CCDC171: variants seen among roughly 807,000 people sequenced by gnomAD.
CCDC171 encodes coiled-coil domain containing 171.
CCDC171 carries 177 observed loss-of-function variants against 168.2 expected under a neutral mutation model. The ratio of observed to expected loss-of-function variants is 1.05; its 90% confidence interval spans 0.93 to 1.19. The LOEUF (loss-of-function observed/expected upper bound fraction) is 1.19. Among genes scored for constraint, CCDC171 ranks in the 50% most tolerant of loss-of-function variants. The probability of loss-of-function intolerance (pLI) is 0.00; values close to 1 mark genes in which losing one functional copy is unlikely to be tolerated. For missense variants in CCDC171, 1,991 were observed against 1,539.0 expected (o/e 1.29, Z -4.91); for synonymous variants, 687 against 540.8 (o/e 1.27, Z -3.75).
chr9:15,596,498 G>A (rs1431229795), intron 6 of CCDC171, among the ~76,000 whole-genome samples: 1 of 152,012 alleles, frequency 6.6e-6, no homozygotes, highest in Non-Finnish European at 1.5e-5. Flanking sequence ...TGTTCCATTG[G>A]TCTATATCTC....
At chr9:15,685,914 C>T (rs1006275202) in intron 10 of CCDC171, among the ~76,000 whole-genome samples, 1 of 152,058 alleles carries the variant, frequency 6.6e-6, no homozygotes, top group Non-Finnish European at 1.5e-5. Context: ...TAGTAATTTT[C>T]AGGTAGATGA....
chr9:15,958,232 A>G (rs1830002047), intron 25 of CCDC171, among the ~76,000 whole-genome samples: 1 of 152,066 alleles, frequency 6.6e-6, no homozygotes. Flanking sequence ...AAGCAAACAA[A>G]ATAGCCTGTG....
At chr9:15,869,555 T>G (rs2061941890) in intron 23 of CCDC171, among the ~76,000 whole-genome samples, 1 of 151,612 alleles carries the variant, frequency 6.6e-6, no homozygotes, top group Non-Finnish European at 1.5e-5. Flanking sequence ...TACTGTGTAT[T>G]ACAGAGTATA....
intron 8 of CCDC171, among the ~76,000 whole-genome samples, chr9:15,663,608 C>CT (rs56022914): frequency 2.4e-4 from 29 of 123,222 alleles, no homozygotes; most frequent in African/African-American, 7.8e-4. Context: ...CTTTTTTTTT[C>CT]TTTTTTTTTT....
chr9:16,071,311 C>T, the CCDC171 span, among the ~76,000 whole-genome samples: 3 of 152,268 alleles, frequency 2.0e-5, no homozygotes, highest in Non-Finnish European at 4.4e-5. Flanking sequence ...AGCATTGTGG[C>T]TATGTGTCAG....
chr9:15,630,935 G>T (rs916615189), intron 7 of CCDC171, among the ~76,000 whole-genome samples: 1 of 152,102 alleles, frequency 6.6e-6, no homozygotes, highest in Non-Finnish European at 1.5e-5. Flanking sequence ...GGTACATAAC[G>T]AAATGAAGAC....
rs747231305 is a variant in CCDC171, at chr9:15,728,479, T to G, written c.1860+443T>G. Among the ~76,000 whole-genome samples, 13 of 152,286 alleles carry G rather than the reference T, an allele frequency of 8.5e-5. No individual in the cohort carries two copies. The East Asian group carries it at 2.5e-3, about 29-fold the overall frequency. On this transcript the variant is annotated intron_variant, in intron 15 of 25. Transcript: ENST00000380701. ...AATATAAGGTGTTATTTTTAAAAGC[T>G]TAAACATTTTAAATTATATGCTTAT...
At chr9:15,759,395 G>A (rs1449660527) in intron 18 of CCDC171, among the ~76,000 whole-genome samples, 1 of 152,046 alleles carries the variant, frequency 6.6e-6, no homozygotes. Context: ...TTATTCTCCT[G>A]TATAACCAGA....
chr9:15,890,611 T>C (rs1476602331), intron 24 of CCDC171, among the ~76,000 whole-genome samples: 2 of 148,740 alleles, frequency 1.3e-5, no homozygotes, highest in African/African-American at 5.1e-5. Flanking sequence ...GGCACTCTTA[T>C]TATTTATTCC....
At chr9:15,917,692 A>T (rs375156163) in intron 24 of CCDC171, among the ~76,000 whole-genome samples, 2 of 151,702 alleles carry the variant, frequency 1.3e-5, no homozygotes, top group East Asian at 1.9e-4. Context: ...AATTCATAAA[A>T]TGTGTTTCTC....
downstream of CCDC171, among the ~76,000 whole-genome samples, chr9:16,066,459 T>TC (rs1833991450): frequency 7.6e-6 from 1 of 132,198 alleles, no homozygotes; most frequent in Admixed American, 7.1e-5. Context: ...CTTTTTCTTT[T>TC]CTTTTTTTTT....
chr9:15,985,797 A>T lies in CCDC171; in HGVS notation n.369-34792A>T, dbSNP rs1831967153. ...TCAGTACTTATTTAAAAGATAGAAA[A>T]AATGAATATGAGTCCCTTTGACAGA... On this transcript the variant is annotated intron_variant and non_coding_transcript_variant, in intron 3 of 9. Transcript: ENST00000486641. Among the ~76,000 whole-genome samples, 3 of 152,206 alleles carry T rather than the reference A, an allele frequency of 2.0e-5. No individual in the cohort carries two copies. In the South Asian group the frequency reaches 6.2e-4, roughly 31 times the overall value.
At chr9:15,859,243 T>C (rs2061459004) in intron 23 of CCDC171, among the ~76,000 whole-genome samples, 1 of 152,066 alleles carries the variant, frequency 6.6e-6, no homozygotes, top group African/African-American at 2.4e-5. Context: ...AATCCCACTT[T>C]GTAATGGCGC....
At chr9:15,824,720 G>A (rs1213180087) in intron 21 of CCDC171, among the ~76,000 whole-genome samples, 1 of 152,060 alleles carries the variant, frequency 6.6e-6, no homozygotes, top group Non-Finnish European at 1.5e-5. Context: ...TTTGAATAAT[G>A]TGGTACCTTT....
intron 18 of CCDC171, among the ~76,000 whole-genome samples, chr9:15,753,155 G>T (rs1358233851): frequency 6.6e-6 from 1 of 152,114 alleles, no homozygotes; most frequent in Non-Finnish European, 1.5e-5. Flanking sequence ...GTGAGATGAA[G>T]AGATACAGGC....
chr9:16,097,935 T>G, the CCDC171 span, among the ~76,000 whole-genome samples: 4 of 152,210 alleles, frequency 2.6e-5, no homozygotes, highest in Non-Finnish European at 5.9e-5. Context: ...GTGATCAACT[T>G]TATGTTGGTA....
At chr9:15,941,908 C>T (rs1184329818) in intron 25 of CCDC171, among the ~76,000 whole-genome samples, 1 of 151,874 alleles carries the variant, frequency 6.6e-6, no homozygotes, top group Admixed American at 6.6e-5. Context: ...TTTAAAAAAG[C>T]ACACATTGAC....
chr9:15,872,849 A>G (rs7866699), intron 23 of CCDC171, among the ~76,000 whole-genome samples: 7,151 of 152,102 alleles, frequency 0.047, 360 homozygotes, highest in South Asian at 0.13. Flanking sequence ...TTGGTGACAA[A>G]AAAAAGCAAG....
At chr9:15,606,595 G>A (rs1327204754) in intron 6 of CCDC171, among the ~76,000 whole-genome samples, 1 of 152,152 alleles carries the variant, frequency 6.6e-6, no homozygotes. Flanking sequence ...GAAAAGAGGA[G>A]TACATTTAAC....
Sources: gnomAD v4.1 joint callset for allele counts (sites outside exome capture counted in the v4.1 genomes callset) on GRCh38, gnomAD v4.1.1 for gene constraint, MANE v1.5 for transcripts, NCBI Gene and HGNC (gene_info 2026-07-23, HGNC 2026-07-21) for gene names.